Variants in TENM2 observed in about 807,000 individuals in gnomAD.
TENM2 encodes the protein teneurin transmembrane protein 2.
TENM2 carries 52 observed loss-of-function variants against 245.2 expected under a neutral mutation model. The ratio of observed to expected loss-of-function variants is 0.21; its 90% CI spans 0.17 to 0.27. The LOEUF is 0.27. Among genes scored for constraint, TENM2 ranks in the 10% least tolerant of loss-of-function variants. The pLI, the probability that TENM2 is intolerant of heterozygous loss-of-function variation, is 1.00. For missense variants in TENM2, 3,046 were observed against 3,666.8 expected, an observed-to-expected ratio of 0.83 and a Z score of 4.37; for synonymous variants, 1,363 against 1,438.9, an observed-to-expected ratio of 0.95 and a Z score of 1.19.
rs1054981568 is a variant in TENM2 at position 167,743,352 on chromosome 5, C to T, written c.503-132634C>T. Among the ~76,000 whole-genome samples the T allele has an allele frequency of 2.6e-5, 4 of 152,012 alleles. No individual in the cohort carries two copies. The South Asian group carries it at 6.2e-4, about 24-fold the overall frequency. ...GCCTTAGAAGGAGGGGCAATGTGAG[C>T]GCATTGAGTGACTGGGCAAGACATC... On this transcript the variant is annotated intron_variant, in intron 2 of 28. Transcript: ENST00000518659.
At chr5:167,155,224 T>C in the TENM2 span, among the ~76,000 whole-genome samples, 1 of 152,236 alleles carries the variant, frequency 6.6e-6, no homozygotes, top group South Asian at 2.1e-4. Context: ...CCTGCCGTAT[T>C]GTGGCATGTT....
intron 2 of TENM2, among the ~76,000 whole-genome samples, chr5:167,502,683 A>G (rs1769287067): frequency 6.6e-6 from 1 of 152,188 alleles, no homozygotes; most frequent in South Asian, 2.1e-4. Flanking sequence ...TTAGAAAGAC[A>G]TACTGGTTAA....
At chr5:167,768,672 C>T (rs537717176) in intron 2 of TENM2, among the ~76,000 whole-genome samples, 2 of 152,124 alleles carry the variant, frequency 1.3e-5, no homozygotes, top group Non-Finnish European at 2.9e-5. Context: ...GACTGTGTGA[C>T]CTGGGATTAT....
the TENM2 span, among the ~76,000 whole-genome samples, chr5:167,051,020 C>A: frequency 6.6e-6 from 1 of 152,112 alleles, no homozygotes; most frequent in Non-Finnish European, 1.5e-5. Context: ...TGGCACTTTT[C>A]CCCCTGTGGC....
chr5:168,034,639 C>T (rs188713948), intron 5 of TENM2, among the ~76,000 whole-genome samples: 11 of 151,582 alleles, frequency 7.3e-5, no homozygotes, highest in Admixed American at 2.0e-4. Context: ...GGAATGGTGA[C>T]GCATACCTGT....
rs190949048 is a variant in TENM2, at chr5:168,219,533, A to C, written c.5108+534A>C. ...TCCCCTAACAATTATCTCATACTTA[A>C]TAGTCCTGACGCTTGTTTTGCAAAA... On this transcript the variant is annotated intron_variant, in intron 23 of 28. Transcript: ENST00000518659. Among the ~76,000 whole-genome samples the C allele has an allele frequency of 1.2e-3, 186 of 152,228 alleles. 1 individual carries two copies. Among genetic ancestry groups the C allele is most frequent in the Non-Finnish European group, 2.2e-3 (151 of 68,012 alleles).
intron 1 of TENM2, among the ~76,000 whole-genome samples, chr5:167,290,697 G>A (rs1022642401): frequency 1.3e-5 from 2 of 150,870 alleles, no homozygotes; most frequent in Non-Finnish European, 2.9e-5. Flanking sequence ...AGGAATGAAA[G>A]ATACTATCTA....
chr5:167,795,980 T>C (rs1340224410), intron 2 of TENM2, among the ~76,000 whole-genome samples: 1 of 152,204 alleles, frequency 6.6e-6, no homozygotes. Context: ...TTACTATTTT[T>C]AAAGACAGAG....
intron 2 of TENM2, among the ~76,000 whole-genome samples, chr5:167,702,904 T>C (rs1758262650): frequency 6.6e-6 from 1 of 151,916 alleles, no homozygotes; most frequent in Non-Finnish European, 1.5e-5. Context: ...ACCCCATGAT[T>C]CGCCCGCCTC....
Position 168,020,335 on chromosome 5 carries a change from A to G in TENM2, c.1187-27092A>G, listed in dbSNP as rs531900396. 1.1e-3 allele frequency among the ~76,000 whole-genome samples: 169 copies of G among 152,306 alleles called. 1 individual carries two copies. Among genetic ancestry groups the G allele is most frequent in the African/African-American group, 3.8e-3 (158 of 41,560 alleles). On this transcript the variant is annotated intron_variant, in intron 5 of 28. Coordinates refer to ENST00000518659, the Ensembl canonical transcript of TENM2. ...ACCCAGACCCTTAGACCTCAAGCGAAGGTCTTGGAATAGACAGTACCCACA... is the reference window on the plus strand; with the variant it reads ...ACCCAGACCCTTAGACCTCAAGCGAGGGTCTTGGAATAGACAGTACCCACA...
rs572144375 is a variant in TENM2, at chr5:167,555,623, G to C, written c.502+180150G>C. 2.8e-4 allele frequency among the ~76,000 whole-genome samples: 42 copies of C among 152,172 alleles called. 1 individual carries two copies. The South Asian group carries it at 8.7e-3, about 32-fold the overall frequency. On this transcript the variant is annotated intron_variant, in intron 2 of 28. Coordinates refer to ENST00000518659, the Ensembl canonical transcript of TENM2. ...AGCTTGTGTCACCTGTAGGAACGAGGGGAAAAGAATGTGTAAGTCAGTTGG... is the reference window on the plus strand; with the variant it reads ...AGCTTGTGTCACCTGTAGGAACGAGCGGAAAAGAATGTGTAAGTCAGTTGG...
At chr5:167,222,797 T>C in the TENM2 span, among the ~76,000 whole-genome samples, 1 of 152,208 alleles carries the variant, frequency 6.6e-6, no homozygotes, top group Non-Finnish European at 1.5e-5. Context: ...CAATTGTTTA[T>C]TGTATTCTAA....
At chr5:167,859,378 T>TG (rs1297203903) in intron 2 of TENM2, among the ~76,000 whole-genome samples, 278 of 91,054 alleles carry the variant, frequency 3.1e-3, no homozygotes, top group East Asian at 9.1e-3. Flanking sequence ...GGGAGGGAGG[T>TG]GGGGGGGGTC....
the TENM2 span, among the ~76,000 whole-genome samples, chr5:167,062,859 G>C: frequency 6.6e-6 from 1 of 152,278 alleles, no homozygotes; most frequent in South Asian, 2.1e-4. Flanking sequence ...AAGGTCGAAG[G>C]AGCTAGAAGG....
the TENM2 span, among the ~76,000 whole-genome samples, chr5:167,015,555 T>G: frequency 3.3e-5 from 5 of 152,212 alleles, no homozygotes; most frequent in Non-Finnish European, 5.9e-5. Flanking sequence ...TTCTTATTAA[T>G]GAACTACTTA....
At chr5:167,381,170 A>C (rs1761078391) in intron 2 of TENM2, among the ~76,000 whole-genome samples, 1 of 152,316 alleles carries the variant, frequency 6.6e-6, no homozygotes, top group East Asian at 1.9e-4. Flanking sequence ...AGAAAATTTC[A>C]GGTATTAATA....
chr5:167,266,277 TAAG>T, the TENM2 span, among the ~76,000 whole-genome samples: 2 of 152,142 alleles, frequency 1.3e-5, no homozygotes, highest in Non-Finnish European at 2.9e-5. Flanking sequence ...CACTGGGGTA[TAAG>T]AAGAAGGGGG....
At chr5:167,487,866 G>A (rs988506789) in intron 2 of TENM2, among the ~76,000 whole-genome samples, 10 of 152,020 alleles carry the variant, frequency 6.6e-5, no homozygotes, top group African/African-American at 2.4e-4. Flanking sequence ...AGTATATAAT[G>A]CAAAATTTAA....
At chr5:168,162,755 G>C in exon 13 of TENM2, 1 of 1,613,980 alleles carries the variant, frequency 6.2e-7, no homozygotes, top group Non-Finnish European at 8.5e-7. Flanking sequence ...GATAATGAGG[G>C]AGGTGAGCAC....
Sources: gnomAD v4.1 joint callset for allele counts (sites outside exome capture counted in the v4.1 genomes callset) on GRCh38, gnomAD v4.1.1 for gene constraint, MANE v1.5 for transcripts, NCBI Gene and HGNC (gene_info 2026-07-23, HGNC 2026-07-21) for gene names.